KIF26B: variants seen among roughly 807,000 people sequenced by gnomAD.
KIF26B encodes kinesin family member 26B.
In KIF26B, 63 loss-of-function variants were observed where a neutral mutation model predicts 151.2. The observed-to-expected ratio is 0.42, with a 90% CI of 0.34 to 0.51. KIF26B has a LOEUF of 0.51. KIF26B is among the 20% of genes least tolerant of loss of function. The pLI is 0.07. For synonymous variants in KIF26B, 1,357 were observed against 1,262.1 expected (o/e 1.08, Z -1.59); for missense variants, 2,813 against 2,913.6 (o/e 0.97, Z 0.79).
intron 2 of KIF26B, among the ~76,000 whole-genome samples, chr1:245,207,000 TG>T (rs1669418021): frequency 6.6e-6 from 1 of 152,180 alleles, no homozygotes; most frequent in East Asian, 1.9e-4. Flanking sequence ...GATATTTAAA[TG>T]GGATGTGTTT....
intron 4 of KIF26B, among the ~76,000 whole-genome samples, chr1:245,503,809 T>G (rs1191332452): frequency 6.6e-6 from 1 of 152,238 alleles, no homozygotes; most frequent in Non-Finnish European, 1.5e-5. Context: ...GATTCTCTTC[T>G]GTAAGGATCT....
chr1:245,207,828 C>A (rs1669437055), intron 2 of KIF26B, among the ~76,000 whole-genome samples: 2 of 152,244 alleles, frequency 1.3e-5, no homozygotes, highest in Middle Eastern at 3.4e-3. Flanking sequence ...GAGATGTGTC[C>A]ATTTCTGTCC....
At chr1:245,593,886 T>C (rs1558229175) in intron 5 of KIF26B, among the ~76,000 whole-genome samples, 1 of 152,252 alleles carries the variant, frequency 6.6e-6, no homozygotes. Flanking sequence ...AGATGGTATC[T>C]CATTGTGGTG....
chr1:245,253,800 CTTTTTT>C (rs5782330), intron 2 of KIF26B, among the ~76,000 whole-genome samples: 34 of 72,170 alleles, frequency 4.7e-4, no homozygotes, highest in African/African-American at 1.7e-3. Context: ...TGAAGTCCTG[CTTTTTT>C]TTTTTTTTTT....
intron 4 of KIF26B, among the ~76,000 whole-genome samples, chr1:245,497,845 G>A (rs1660543126): frequency 6.6e-6 from 1 of 152,308 alleles, no homozygotes; most frequent in South Asian, 2.1e-4. Flanking sequence ...CTGGGTTCAA[G>A]TGATTCTCCT....
intron 3 of KIF26B, among the ~76,000 whole-genome samples, chr1:245,416,585 G>A (rs1297027657): frequency 3.3e-5 from 5 of 152,058 alleles, no homozygotes; most frequent in Admixed American, 2.6e-4. Context: ...AGATACTGAG[G>A]GAAAAGATTG....
chr1:245,474,879 T>A (rs932357938), intron 4 of KIF26B, among the ~76,000 whole-genome samples: 1 of 151,802 alleles, frequency 6.6e-6, no homozygotes, highest in Non-Finnish European at 1.5e-5. Context: ...AGTGAGAACG[T>A]GTGATATTTG....
intron 5 of KIF26B, among the ~76,000 whole-genome samples, chr1:245,596,371 T>C (rs547949732): frequency 6.6e-6 from 1 of 152,226 alleles, no homozygotes; most frequent in Non-Finnish European, 1.5e-5. Flanking sequence ...TTTGTGCTCA[T>C]TGGTTTCAAA....
At chr1:245,279,014 A>G (rs1266969473) in intron 2 of KIF26B, among the ~76,000 whole-genome samples, 2 of 152,052 alleles carry the variant, frequency 1.3e-5, no homozygotes, top group Admixed American at 6.5e-5. Flanking sequence ...CTTTCACACA[A>G]CGTGTCTGAT....
At chr1:245,599,756 A>G (rs1393537522) in intron 5 of KIF26B, among the ~76,000 whole-genome samples, 3 of 152,170 alleles carry the variant, frequency 2.0e-5, no homozygotes, top group Admixed American at 6.5e-5. Context: ...CTCTTAGCAC[A>G]CATGCTGTGT....
intron 5 of KIF26B, among the ~76,000 whole-genome samples, chr1:245,561,066 G>A (rs758851958): frequency 6.6e-6 from 1 of 152,160 alleles, no homozygotes; most frequent in Non-Finnish European, 1.5e-5. Flanking sequence ...GTGCTACCCC[G>A]GAGGCCAGTC....
intron 2 of KIF26B, among the ~76,000 whole-genome samples, chr1:245,251,287 C>G (rs796964002): frequency 4.6e-5 from 7 of 152,236 alleles, no homozygotes; most frequent in African/African-American, 1.7e-4. Context: ...GGTAGGAACC[C>G]TCCTGAAATC....
At chr1:245,314,191 T>C (rs1185541148) in intron 2 of KIF26B, among the ~76,000 whole-genome samples, 1 of 152,152 alleles carries the variant, frequency 6.6e-6, no homozygotes, top group African/African-American at 2.4e-5. Context: ...CTCACACTTG[T>C]AATCCCAGCA....
chr1:245,589,835 G>C (rs1272736393), intron 5 of KIF26B, among the ~76,000 whole-genome samples: 1 of 152,198 alleles, frequency 6.6e-6, no homozygotes, highest in Non-Finnish European at 1.5e-5. Flanking sequence ...CAGAAGTGGA[G>C]AGACTGTGGC....
chr1:245,336,095 GGGAAAGGAGGGTCCCACGCA>G (rs1672226357), intron 2 of KIF26B, among the ~76,000 whole-genome samples: 1 of 139,634 alleles, frequency 7.2e-6, no homozygotes, highest in African/African-American at 2.9e-5. Flanking sequence ...GTCCCACGCA[GGGAAAGGAGGGTCCCACGCA>G]GGGAAAGAAG....
At chr1:245,356,155 T>C (rs1672693088) in intron 2 of KIF26B, among the ~76,000 whole-genome samples, 1 of 152,144 alleles carries the variant, frequency 6.6e-6, no homozygotes. Flanking sequence ...GAGGCTTTTC[T>C]GAACACACGA....
chr1:245,635,212 T>C (rs78428635), intron 9 of KIF26B, among the ~76,000 whole-genome samples: 1,625 of 151,906 alleles, frequency 0.011, 30 homozygotes, highest in African/African-American at 0.037. Flanking sequence ...AGAACTGTTA[T>C]TATTTCTTCC....
At chr1:245,562,662 G>C (rs1026899089) in intron 5 of KIF26B, among the ~76,000 whole-genome samples, 3 of 146,502 alleles carry the variant, frequency 2.0e-5, no homozygotes, top group African/African-American at 7.6e-5. Context: ...CAGAACCCTT[G>C]GGTAGTGTGA....
chr1:245,283,489 C>A (rs1423385750), intron 2 of KIF26B, among the ~76,000 whole-genome samples: 2 of 152,152 alleles, frequency 1.3e-5, no homozygotes, highest in African/African-American at 4.8e-5. Context: ...CACTGGAAAA[C>A]CTTGCTGGCT....
Sources: allele counts gnomAD v4.1 joint callset (sites outside exome capture counted in the v4.1 genomes callset), GRCh38; gene constraint gnomAD v4.1.1; transcripts MANE v1.5; gene names NCBI Gene and HGNC (gene_info 2026-07-23, HGNC 2026-07-21).